Variants in FERMT2 observed in about 807,000 individuals in gnomAD.
FERMT2 encodes the protein fermitin family homolog 2.
In FERMT2, 15 loss-of-function variants were observed where a neutral mutation model predicts 82.7. That is an observed-to-expected ratio of 0.18 (90% CI 0.12 to 0.28). The LOEUF is 0.28. FERMT2 is among the 10% of genes least tolerant of loss of function. The probability of loss-of-function intolerance (pLI) is 1.00; values close to 1 mark genes in which losing one functional copy is unlikely to be tolerated. For missense variants in FERMT2, 645 were observed against 809.4 expected (o/e 0.80, Z 2.46); for synonymous variants, 274 against 271.5 (o/e 1.01, Z -0.09).
intron 3 of FERMT2, among the ~76,000 whole-genome samples, 199 bp downstream of exon 3, chr14:52,918,922 ATC>A (rs2139637981): frequency 6.6e-6 from 1 of 152,318 alleles, no homozygotes; most frequent in East Asian, 1.9e-4. Context: ...TAAGGAAAGA[ATC>A]TCTACTAGGT....
chr14:52,865,281 G>C (rs1041813166), intron 10 of FERMT2, among the ~76,000 whole-genome samples: 12 of 152,070 alleles, frequency 7.9e-5, no homozygotes, highest in Non-Finnish European at 1.8e-4. Context: ...AGATCGCACC[G>C]TTGCACTCCA....
intron 2 of FERMT2, among the ~76,000 whole-genome samples, chr14:52,931,120 A>G (rs2139673620): frequency 6.6e-6 from 1 of 152,248 alleles, no homozygotes; most frequent in African/African-American, 2.4e-5. Flanking sequence ...TAATCAATGC[A>G]CTAATTAATA....
intron 3 of FERMT2, among the ~76,000 whole-genome samples, chr14:52,906,434 G>C (rs1888016272): frequency 6.8e-6 from 1 of 148,146 alleles, no homozygotes; most frequent in Admixed American, 7.0e-5. Flanking sequence ...CAAAGCAAAA[G>C]AATCCAACTA....
At chr14:52,928,087 G>T in intron 2 of FERMT2, 1 of 305,714 alleles carries the variant, frequency 3.3e-6, no homozygotes, top group Non-Finnish European at 7.0e-6. Context: ...ATGAAGAGGA[G>T]GTTAAAATAT....
At position 52,893,333 on chromosome 14, in the gene FERMT2, C is replaced by T; in HGVS notation, c.486G>A (p.Glu162=). 1 of 1,612,272 alleles carries T rather than the reference C, an allele frequency of 6.2e-7. No homozygotes were observed. The highest frequency in any genetic ancestry group is 8.5e-7 in the Non-Finnish European group (1 of 1,179,490). ...KKKLDDQSED[E]ALELEGPLIT... Reference sequence around the variant, plus strand: ...TAAGAGGCCCCTCTAATTCAAGTGCCTCATCTTCAGACTGGTCATCTAGCT... The same window carrying T: ...TAAGAGGCCCCTCTAATTCAAGTGCTTCATCTTCAGACTGGTCATCTAGCT... Residue 162 remains glutamate, a synonymous_variant, in exon 4 of 15, where the codon GAG becomes GAA. Transcript: ENST00000341590.
At chr14:52,942,306 CTTTTTTT>C (rs200747260) in intron 2 of FERMT2, among the ~76,000 whole-genome samples, 1 of 138,788 alleles carries the variant, frequency 7.2e-6, no homozygotes. Context: ...TTTTCTTTTT[CTTTTTTT>C]TTTTTTTGAG....
intron 2 of FERMT2, among the ~76,000 whole-genome samples, chr14:52,938,163 C>T (rs1039729426): frequency 1.3e-5 from 2 of 152,170 alleles, no homozygotes; most frequent in Admixed American, 6.5e-5. Context: ...TCAGACACTT[C>T]ACAACCACTA....
At chr14:52,920,162 T>C (rs1043876194) in intron 2 of FERMT2, among the ~76,000 whole-genome samples, 5 of 152,226 alleles carry the variant, frequency 3.3e-5, no homozygotes, top group African/African-American at 1.2e-4. Context: ...AATAAACTTG[T>C]AGCAGTAAAA....
At chr14:52,874,738 G>A (rs953265785) in intron 8 of FERMT2, among the ~76,000 whole-genome samples, 17 of 152,174 alleles carry the variant, frequency 1.1e-4, no homozygotes, top group African/African-American at 3.9e-4. Flanking sequence ...AATTTGCAGA[G>A]TATTAGAGTA....
At chr14:52,892,172 T>TG (rs1886975638) in intron 4 of FERMT2, among the ~76,000 whole-genome samples, 3 of 14,376 alleles carry the variant, frequency 2.1e-4, no homozygotes, top group East Asian at 3.7e-3. Flanking sequence ...TTTTGTTTTT[T>TG]TTTTTTTTTT....
intron 2 of FERMT2, among the ~76,000 whole-genome samples, chr14:52,923,488 T>A (rs1249391676): frequency 6.6e-6 from 1 of 152,120 alleles, no homozygotes; most frequent in East Asian, 1.9e-4. Flanking sequence ...AATGGTACAA[T>A]AAAATCTCAA....
chr14:52,919,012 A>C, intron 3 of FERMT2, 111 bp downstream of exon 3: 1 of 683,444 alleles, frequency 1.5e-6, no homozygotes. Context: ...ACACATACAT[A>C]TATACAGATA....
In FERMT2 at chr14:52,875,105, C is replaced by T; in HGVS notation, c.1098+118G>A. 4 of 847,330 alleles carry T rather than the reference C, an allele frequency of 4.7e-6. No individual in the cohort carries two copies. The South Asian group carries it at 7.8e-5, about 16-fold the overall frequency. 52.5% of individuals were successfully genotyped at this position (847,330 alleles called of 1,614,324 possible). On this transcript the variant is annotated intron_variant, in intron 8 of 14. Transcript: ENST00000341590. ...CCTGAAAAATTAACATCTGATTTCT[C>T]TCTCTAAAGCATTAAATATTTCTCT...
At chr14:52,934,945 A>G (rs570404222) in intron 2 of FERMT2, among the ~76,000 whole-genome samples, 1 of 152,358 alleles carries the variant, frequency 6.6e-6, no homozygotes, top group African/African-American at 2.4e-5. Flanking sequence ...GAAATAAGTG[A>G]CATGACTTGT....
intron 2 of FERMT2, among the ~76,000 whole-genome samples, chr14:52,942,415 G>A (rs1417477546): frequency 6.6e-6 from 1 of 150,644 alleles, no homozygotes; most frequent in Non-Finnish European, 1.5e-5. Flanking sequence ...CCATTCTCCA[G>A]CCTCAGCCTC....
chr14:52,901,970 A>G (rs1293508450), intron 3 of FERMT2, among the ~76,000 whole-genome samples: 1 of 152,246 alleles, frequency 6.6e-6, no homozygotes, highest in Non-Finnish European at 1.5e-5. Context: ...GACAGAGACC[A>G]AACAAAAAGA....
chr14:52,922,432 G>C (rs942248652), intron 2 of FERMT2, among the ~76,000 whole-genome samples: 3 of 151,988 alleles, frequency 2.0e-5, no homozygotes, highest in Admixed American at 1.3e-4. Flanking sequence ...CAGTGAAAGA[G>C]GGGGGCCTCC....
intron 3 of FERMT2, among the ~76,000 whole-genome samples, chr14:52,907,758 A>G (rs984043968): frequency 6.6e-6 from 1 of 152,018 alleles, no homozygotes; most frequent in Non-Finnish European, 1.5e-5. Context: ...GAATATAATC[A>G]AAACAACCAC....
intron 2 of FERMT2, among the ~76,000 whole-genome samples, chr14:52,949,444 AAAC>A (rs1228713881): frequency 1.3e-5 from 2 of 151,818 alleles, no homozygotes; most frequent in African/African-American, 4.8e-5. Context: ...CCCTTCACCA[AAAC>A]AAAAAACAAT....
Sources: allele counts gnomAD v4.1 joint callset (sites outside exome capture counted in the v4.1 genomes callset), GRCh38; gene constraint gnomAD v4.1.1; transcripts MANE v1.5; gene names NCBI Gene and HGNC (gene_info 2026-07-23, HGNC 2026-07-21).